The following DSCAM variants were observed in gnomAD, a reference collection of about 807,000 sequenced individuals.
The protein encoded by DSCAM is cell adhesion molecule DSCAM.
Under a neutral mutation model 217.7 loss-of-function variants are expected in DSCAM, and 47 were observed. The observed-to-expected ratio is 0.22, with a 90% CI of 0.17 to 0.28. DSCAM has a LOEUF of 0.28. Among genes scored for constraint, DSCAM ranks in the 10% least tolerant of loss-of-function variants. The pLI, the probability that DSCAM is intolerant of heterozygous loss-of-function variation, is 1.00. For missense variants in DSCAM, 2,080 were observed against 2,618.3 expected (o/e 0.79, Z 4.49); for synonymous variants, 1,056 against 1,015.3 (o/e 1.04, Z -0.76).
In DSCAM at chr21:40,692,693, T is replaced by G. The variant is rs2090550391; in HGVS notation, c.508+117A>C. On this transcript the variant is annotated intron_variant, in intron 3 of 32. Coordinates refer to ENST00000400454, the MANE Select transcript of DSCAM (RefSeq NM_001389.5). ...TTTACTTACAAAATAGCATCAGCCTTAAGAATACTAATTCTGAATTATGAT... is the reference window on the plus strand; with the variant it reads ...TTTACTTACAAAATAGCATCAGCCTGAAGAATACTAATTCTGAATTATGAT... The G allele has an allele frequency of 1.8e-5, 23 of 1,298,194 alleles. No individual in the cohort carries two copies. The East Asian group carries it at 5.4e-4, about 30-fold the overall frequency. The allele number at this position is 1,298,194 out of a possible 1,614,324, so 80.4% of individuals were successfully genotyped here. A position where few individuals can be genotyped will look rare whatever the true frequency, so the allele number is the denominator to read the frequency against.
rs80044094 is a variant in DSCAM, at chr21:40,717,875, C to A, written c.44-9104G>T. 7.0e-4 allele frequency among the ~76,000 whole-genome samples: 107 copies of A among 152,168 alleles called. No individual in the cohort carries two copies. In the East Asian group the frequency reaches 0.019, roughly 26 times the overall value. ...TTTTGACAATGAACAATCAATTTCC[C>A]AAATTGAAGTTTGAGAAAGTAAACA... On this transcript the variant is annotated intron_variant, in intron 1 of 32. Transcript: ENST00000400454.
chr21:40,156,287 CAGAGAGAGAGAG>C (rs749781848), intron 16 of DSCAM, among the ~76,000 whole-genome samples: 2,858 of 75,736 alleles, frequency 0.038, 101 homozygotes, highest in African/African-American at 0.091. Context: ...CAAACTAAGA[CAGAGAGAGAGAG>C]AGAGAGAGAG....
intron 3 of DSCAM, among the ~76,000 whole-genome samples, chr21:40,373,233 G>A (rs141013691): frequency 3.1e-4 from 47 of 152,258 alleles, no homozygotes; most frequent in East Asian, 1.2e-3. Context: ...GATCTGAGCC[G>A]CAGAAAGCAG....
chr21:40,524,369 T>C (rs11911697), intron 3 of DSCAM, among the ~76,000 whole-genome samples: 4 of 152,160 alleles, frequency 2.6e-5, no homozygotes, highest in African/African-American at 9.6e-5. Context: ...GTTTTTATTT[T>C]TAAACTTGTC....
chr21:40,313,171 C>T (rs992969656), intron 8 of DSCAM, among the ~76,000 whole-genome samples: 9 of 150,772 alleles, frequency 6.0e-5, no homozygotes, highest in African/African-American at 1.7e-4. Flanking sequence ...TGTTAAAGTT[C>T]TCTGTTATGT....
At chr21:40,568,954 GGGC>G (rs2076785586) in intron 3 of DSCAM, among the ~76,000 whole-genome samples, 1 of 152,184 alleles carries the variant, frequency 6.6e-6, no homozygotes, top group African/African-American at 2.4e-5. Context: ...TCCAGGTGCT[GGGC>G]AGCTGGCTGT....
intron 3 of DSCAM, among the ~76,000 whole-genome samples, chr21:40,596,175 C>T (rs1187487949): frequency 6.6e-6 from 1 of 152,192 alleles, no homozygotes; most frequent in Non-Finnish European, 1.5e-5. Context: ...GGCTGACTCA[C>T]TTGTCCCCTA....
At chr21:40,048,350 T>TCAGA (rs141123938) in intron 30 of DSCAM, among the ~76,000 whole-genome samples, 55,777 of 151,780 alleles carry the variant, frequency 0.37, 10,608 homozygotes, top group East Asian at 0.58. Context: ...CATGCCTGTG[T>TCAGA]CAGACACTGT....
intron 3 of DSCAM, among the ~76,000 whole-genome samples, chr21:40,563,792 TTA>T (rs1270797732): frequency 8.8e-5 from 13 of 148,330 alleles, no homozygotes; most frequent in East Asian, 1.9e-4. Flanking sequence ...GTTTATATGT[TTA>T]TATATAGTTA....
intron 10 of DSCAM, among the ~76,000 whole-genome samples, chr21:40,277,637 T>A (rs2123385987): frequency 6.6e-6 from 1 of 150,980 alleles, no homozygotes; most frequent in East Asian, 2.0e-4. Flanking sequence ...CCTGAATTTT[T>A]TTTTTTTTTT....
At chr21:40,234,589 C>T (rs1394215093) in intron 11 of DSCAM, among the ~76,000 whole-genome samples, 1 of 152,158 alleles carries the variant, frequency 6.6e-6, no homozygotes, top group East Asian at 1.9e-4. Flanking sequence ...ATTGTAGCCT[C>T]AGCATTCTGT....
chr21:40,769,755 T>C (rs2091428317), intron 1 of DSCAM, among the ~76,000 whole-genome samples: 1 of 152,186 alleles, frequency 6.6e-6, no homozygotes, highest in African/African-American at 2.4e-5. Context: ...TTGGCTATCC[T>C]GGGTATCTGA....
chr21:40,525,009 C>CAAAAAAAAAAAAAAAAAAAAAAAAA (rs58427418), intron 3 of DSCAM, among the ~76,000 whole-genome samples: 1 of 56,122 alleles, frequency 1.8e-5, no homozygotes, highest in African/African-American at 5.8e-5. Context: ...GACTCAGTCT[C>CAAAAAAAAAAAAAAAAAAAAAAAAA]AAAAAAAAAA....
chr21:40,536,805 G>A (rs1039007811), intron 3 of DSCAM, among the ~76,000 whole-genome samples: 2 of 152,278 alleles, frequency 1.3e-5, no homozygotes, highest in East Asian at 1.9e-4. Flanking sequence ...TTTGGGATGC[G>A]TAAAGAGGAC....
intron 11 of DSCAM, among the ~76,000 whole-genome samples, chr21:40,269,017 A>G (rs996950706): frequency 6.6e-6 from 1 of 152,036 alleles, no homozygotes. Context: ...CTCAATCCAG[A>G]TCTAACTCCT....
At chr21:40,501,685 G>A (rs1322452161) in intron 3 of DSCAM, among the ~76,000 whole-genome samples, 3 of 152,136 alleles carry the variant, frequency 2.0e-5, no homozygotes, top group African/African-American at 4.8e-5. Flanking sequence ...TCCGCCTCCC[G>A]GGTTCAAGCG....
In DSCAM at chr21:40,189,219, G is replaced by C; in HGVS notation, c.2376C>G (p.Ser792=). Reference sequence around the variant, plus strand: ...GCGTGGCCAGGGTAGTATTTGGATAGGATGTTATCATCGCAGGAACTGAAA... The same window carrying C: ...GCGTGGCCAGGGTAGTATTTGGATACGATGTTATCATCGCAGGAACTGAAA... ...LTVKIPAMIT[S]YPNTTLATQG... Residue 792 remains serine (S), a synonymous_variant, in exon 12 of 33, where the codon TCC becomes TCG. Transcript: ENST00000400454. 1 of 1,592,928 alleles carries C rather than the reference G, an allele frequency of 6.3e-7. No individual in the cohort carries two copies.
chr21:40,184,433 TG>T (rs1349938719), intron 14 of DSCAM, among the ~76,000 whole-genome samples: 2 of 152,140 alleles, frequency 1.3e-5, no homozygotes, highest in African/African-American at 4.8e-5. Context: ...GCTTGTCCTG[TG>T]GGCTTTTCTC....
chr21:40,579,731 A>C (rs462401), intron 3 of DSCAM, among the ~76,000 whole-genome samples: 23,412 of 152,214 alleles, frequency 0.15, 1,916 homozygotes, highest in African/African-American at 0.2. Context: ...TCAATATAGG[A>C]TTCCATCTCC....
Sources: allele counts gnomAD v4.1 joint callset (sites outside exome capture counted in the v4.1 genomes callset), GRCh38; gene constraint gnomAD v4.1.1; transcripts MANE v1.5; gene names NCBI Gene and HGNC (gene_info 2026-07-23, HGNC 2026-07-21).